The following HTRA3 variants were observed in gnomAD, a reference collection of about 807,000 sequenced individuals.
HTRA3 encodes HtrA serine peptidase 3.
In HTRA3, 41 loss-of-function variants were observed where a neutral mutation model predicts 43.2. The observed-to-expected ratio is 0.95, with a 90% CI of 0.74 to 1.23. The LOEUF (loss-of-function observed/expected upper bound fraction) is 1.23, where lower values mean the gene tolerates loss of function less well. HTRA3 is among the 50% of genes most tolerant of loss of function. HTRA3 has a pLI of 0.00. For synonymous variants in HTRA3, 295 were observed against 287.9 expected, an observed-to-expected ratio of 1.02 and a Z score of -0.25; for missense variants, 628 against 647.1, an observed-to-expected ratio of 0.97 and a Z score of 0.32.
In HTRA3 at chr4:8,295,379, T is replaced by C. The variant is rs1713418197; in HGVS notation, c.1051+1178T>C. ...ATTTCCTCACCCCATCAAAAAGGGA[T>C]ACCCAGCCCACCCTGCCCACTCCTA... On this transcript the variant is annotated intron_variant, in intron 6 of 8. Coordinates refer to ENST00000307358, the MANE Select transcript of HTRA3 (RefSeq NM_053044.5). This position sits in a 1 kb window ranked among gnomAD's most constrained non-coding sequence, Gnocchi z 6.9. 6.6e-6 allele frequency among the ~76,000 whole-genome samples: 1 copy of C among 151,812 alleles called. No homozygotes were observed. Among genetic ancestry groups the C allele is most frequent in the South Asian group, 2.1e-4 (1 of 4,816 alleles).
chr4:8,297,325 G>A lies in HTRA3; in HGVS notation c.1051+3124G>A, dbSNP rs190752703. Among the ~76,000 whole-genome samples, 1 of 152,178 alleles carries A rather than the reference G, an allele frequency of 6.6e-6. No individual in the cohort carries two copies. The highest frequency in any genetic ancestry group is 1.9e-4 in the East Asian group (1 of 5,138). ...AGCACAGTGAGTCGTGCTTTCCCCA[G>A]CTCTGGCCCAGGGGCATTACCAGGC... is the stretch of plus-strand genomic sequence containing the variant. On this transcript the variant is annotated intron_variant, in intron 6 of 8. Transcript: ENST00000307358. The surrounding 1 kb of genome is among the most constrained non-coding windows in gnomAD (Gnocchi z 5.8).
rs368868800 is a variant in HTRA3 at position 8,304,213 on chromosome 4, C to T, written c.1130C>T (p.Pro377Leu). 2.2e-5 allele frequency: 35 copies of T among 1,614,024 alleles called. No homozygotes were observed. The highest frequency in any genetic ancestry group is 6.7e-5 in the East Asian group (3 of 44,908). ...GTGGATGAGCTGAAGGCCAGCAACC[C>T]GGACTTCCCAGAGGTCAGCAGTGGA... ...SLVDELKASN[P>L]DFPEVSSGIY... The change falls in exon 8 of 9, where the codon CCG becomes CTG. Residue 377 changes from proline (P) to leucine (L), a missense_variant. Physicochemically the swap from Pro to Leu is moderately conservative, Grantham distance 98. Transcript: ENST00000307358.
intron 1 of HTRA3, among the ~76,000 whole-genome samples, chr4:8,270,915 G>A (rs1712244015): frequency 6.6e-6 from 1 of 152,170 alleles, no homozygotes; most frequent in African/African-American, 2.4e-5. Context: ...TGAGGCAGTC[G>A]GCTCTAGGTT....
intron 1 of HTRA3, among the ~76,000 whole-genome samples, chr4:8,271,769 T>C (rs975025312): frequency 6.6e-6 from 1 of 152,160 alleles, no homozygotes; most frequent in Non-Finnish European, 1.5e-5. Context: ...CATAAGGAGC[T>C]TCTGCCCACG....
At chr4:8,289,374 G>A (rs1353719458) in intron 3 of HTRA3, among the ~76,000 whole-genome samples, 1 of 152,262 alleles carries the variant, frequency 6.6e-6, no homozygotes, top group Non-Finnish European at 1.5e-5. Flanking sequence ...GGGTGTGGCT[G>A]CGTTCCAGTG....
chr4:8,301,857 G>T (rs1387312545), intron 6 of HTRA3, among the ~76,000 whole-genome samples: 1 of 152,062 alleles, frequency 6.6e-6, no homozygotes, highest in East Asian at 1.9e-4. Context: ...TTCTAATTGT[G>T]GTCAGAACTC....
At chr4:8,278,698 G>T (rs1423648500) in intron 1 of HTRA3, among the ~76,000 whole-genome samples, 1 of 152,198 alleles carries the variant, frequency 6.6e-6, no homozygotes, top group African/African-American at 2.4e-5. Context: ...GTGGGGCCCT[G>T]CAGGGGTGCC....
chr4:8,304,657 T>G (rs941278400), intron 8 of HTRA3, among the ~76,000 whole-genome samples: 6 of 132,596 alleles, frequency 4.5e-5, no homozygotes, highest in Admixed American at 7.3e-5. Flanking sequence ...TTTTTTTTTT[T>G]TTTTTTTTTT....
At chr4:8,305,503 A>G (rs938983276) in intron 8 of HTRA3, among the ~76,000 whole-genome samples, 1 of 152,242 alleles carries the variant, frequency 6.6e-6, no homozygotes, top group African/African-American at 2.4e-5. Flanking sequence ...GCACAGTACC[A>G]TCACCTTCCT....
At position 8,296,755 on chromosome 4, in the gene HTRA3, A is replaced by T. The variant is rs1215158404; in HGVS notation, c.1051+2554A>T. ...TGCCCCTCTGTGGACTGTGGGGAAC[A>T]GTGCAGTTCATAGGTGGGAGACCTC... is the stretch of plus-strand genomic sequence containing the variant. On this transcript the variant is annotated intron_variant, in intron 6 of 8. Transcript: ENST00000307358. The surrounding 1 kb of genome is among the most constrained non-coding windows in gnomAD (Gnocchi z 5.3). Among the ~76,000 whole-genome samples, 1 of 152,186 alleles carries T rather than the reference A, an allele frequency of 6.6e-6. No individual in the cohort carries two copies. Among genetic ancestry groups the T allele is most frequent in the African/African-American group, 2.4e-5 (1 of 41,458 alleles).
chr4:8,282,086 CCCGAGAT>C (rs1305632069), intron 1 of HTRA3, among the ~76,000 whole-genome samples: 1 of 152,222 alleles, frequency 6.6e-6, no homozygotes, highest in Non-Finnish European at 1.5e-5. Context: ...GGGGGACTAA[CCCGAGAT>C]CCAGCCCTGG....
intron 3 of HTRA3, among the ~76,000 whole-genome samples, chr4:8,287,567 T>G (rs1713044227): frequency 6.6e-6 from 1 of 151,754 alleles, no homozygotes; most frequent in South Asian, 2.1e-4. Flanking sequence ...GAGAGTGAAG[T>G]GGGACATGCC....
chr4:8,302,243 G>A (rs886333963), intron 6 of HTRA3, among the ~76,000 whole-genome samples: 4 of 152,062 alleles, frequency 2.6e-5, no homozygotes, highest in Non-Finnish European at 5.9e-5. Flanking sequence ...GCCACCTGTG[G>A]GGCGAGCCAC....
rs1468446743 is a variant in HTRA3 at position 8,286,819 on chromosome 4, G to C, written c.708+36G>C. 3 of 1,521,720 alleles carry C rather than the reference G, an allele frequency of 2.0e-6. No individual in the cohort carries two copies. The highest frequency in any genetic ancestry group is 2.3e-5 in the South Asian group (2 of 86,572). The allele number at this position is 1,521,720 out of a possible 1,614,324, so 94.3% of individuals were successfully genotyped here. A position where few individuals can be genotyped will look rare whatever the true frequency, so the allele number is the denominator to read the frequency against. ...GTGGGTGGAGGGGCGGAAGCACCTGGGGCTGGGCATGGTGGCCTCTTCCCA... is the reference window on the plus strand; with the variant it reads ...GTGGGTGGAGGGGCGGAAGCACCTGCGGCTGGGCATGGTGGCCTCTTCCCA... On this transcript the variant is annotated intron_variant, in intron 3 of 8. Coordinates refer to ENST00000307358, the MANE Select transcript of HTRA3 (RefSeq NM_053044.5). The surrounding 1 kb of genome is among the most constrained non-coding windows in gnomAD (Gnocchi z 4.9).
At chr4:8,272,586 A>T (rs1712331563) in intron 1 of HTRA3, among the ~76,000 whole-genome samples, 1 of 152,230 alleles carries the variant, frequency 6.6e-6, no homozygotes, top group Non-Finnish European at 1.5e-5. Flanking sequence ...CAACCCCCAG[A>T]CCACGTTGTT....
rs577734533 is a variant in HTRA3 at position 8,290,768 on chromosome 4, C to T, written c.709-602C>T. ...GTCAGATAATCAGACAGACAGGCTC[C>T]GCTGGGCCCGCGCAAAAGCAGAAGA... On this transcript the variant is annotated intron_variant, in intron 3 of 8. Transcript: ENST00000307358. Among the ~76,000 whole-genome samples the T allele has an allele frequency of 7.2e-5, 11 of 152,288 alleles. No individual in the cohort carries two copies. The South Asian group carries it at 1.9e-3, about 26-fold the overall frequency.
Position 8,295,970 on chromosome 4 carries a change from T to C in HTRA3, c.1051+1769T>C, listed in dbSNP as rs1483507057. The C allele has an allele frequency of 8.3e-7, 1 of 1,208,930 alleles. No homozygotes were observed. Among genetic ancestry groups the C allele is most frequent in the Non-Finnish European group, 1.0e-6 (1 of 973,314 alleles). 74.9% of individuals were successfully genotyped at this position (1,208,930 alleles called of 1,614,324 possible). On this transcript the variant is annotated intron_variant, in intron 6 of 8. Transcript: ENST00000307358. This position sits in a 1 kb window ranked among gnomAD's most constrained non-coding sequence, Gnocchi z 6.9. ...CATCTAATCTCTTGAGCCCTTTTCC[T>C]GTTGGCTTCTAGGAAGCTCAGAGCT...
chr4:8,280,047 G>A (rs558047898), intron 1 of HTRA3, among the ~76,000 whole-genome samples: 2 of 152,324 alleles, frequency 1.3e-5, no homozygotes, highest in African/African-American at 4.8e-5. Context: ...GCAGGATTAG[G>A]GCCGGGCCCA....
chr4:8,304,004 TTTCTC>T (rs1713749940), intron 7 of HTRA3, among the ~76,000 whole-genome samples, 175 bp from the exon 8 acceptor site: 1 of 152,202 alleles, frequency 6.6e-6, no homozygotes. Context: ...TGCTACCACG[TTTCTC>T]TTAAGAAGCA....
Sources: gnomAD v4.1 joint callset for allele counts (sites outside exome capture counted in the v4.1 genomes callset) on GRCh38, gnomAD v4.1.1 for gene constraint, Gnocchi (gnomAD v3.1) non-coding constraint, MANE v1.5 for transcripts, NCBI Gene and HGNC (gene_info 2026-07-23, HGNC 2026-07-21) for gene names.